Variants in PHF20 observed in about 807,000 individuals in gnomAD.
The protein encoded by PHF20 is glioma-expressed antigen 2.
In PHF20, 23 loss-of-function variants were observed where a neutral mutation model predicts 113.5. The ratio of observed to expected loss-of-function variants is 0.20; its 90% CI spans 0.15 to 0.29. PHF20 has a LOEUF of 0.29. Among genes scored for constraint, PHF20 ranks in the 10% least tolerant of loss-of-function variants. PHF20 has a pLI of 1.00. For missense variants in PHF20, 943 were observed against 1,219.6 expected (o/e 0.77, Z 3.38); for synonymous variants, 434 against 457.3 (o/e 0.95, Z 0.65).
chr20:35,825,728 A>G (rs2042248722), intron 2 of PHF20, among the ~76,000 whole-genome samples: 2 of 149,710 alleles, frequency 1.3e-5, no homozygotes, highest in Admixed American at 6.7e-5. Flanking sequence ...CATGAAATAC[A>G]CTACAGCCTT....
chr20:35,795,245 G>GT (rs527868388), intron 1 of PHF20, among the ~76,000 whole-genome samples: 26 of 148,748 alleles, frequency 1.7e-4, no homozygotes, highest in African/African-American at 3.9e-4. Flanking sequence ...GTACCTACTT[G>GT]TTTTTTTTTG....
chr20:35,787,883 T>G (rs1420228731), intron 1 of PHF20, among the ~76,000 whole-genome samples: 1 of 5,488 alleles, frequency 1.8e-4, no homozygotes, highest in Non-Finnish European at 7.2e-4. Context: ...GTTCAAGTGA[T>G]TCTCCTGCCT....
intron 3 of PHF20, 46 bp downstream of exon 3, chr20:35,842,790 T>C (rs1436643222): frequency 6.5e-6 from 10 of 1,536,790 alleles, no homozygotes; most frequent in South Asian, 3.5e-5. Context: ...AGGTCAGCCA[T>C]TGGGCTGTTT....
intron 1 of PHF20, among the ~76,000 whole-genome samples, chr20:35,792,195 C>A (rs775159340): frequency 6.6e-6 from 1 of 151,848 alleles, no homozygotes; most frequent in Non-Finnish European, 1.5e-5. Context: ...TTTCTTCACT[C>A]TTCTTTTTTT....
At chr20:35,903,021 CTT>C (rs370237613) in intron 10 of PHF20, among the ~76,000 whole-genome samples, 9 of 91,470 alleles carry the variant, frequency 9.8e-5, no homozygotes, top group Non-Finnish European at 1.4e-4. Flanking sequence ...TTTCTTTTTT[CTT>C]TTTTTTTTTT....
chr20:35,834,546 C>T (rs1168497756), intron 2 of PHF20, among the ~76,000 whole-genome samples: 3 of 152,060 alleles, frequency 2.0e-5, no homozygotes, highest in Non-Finnish European at 4.4e-5. Flanking sequence ...CCACTGCGCC[C>T]AGCCAGCTAT....
intron 10 of PHF20, among the ~76,000 whole-genome samples, chr20:35,911,346 G>C (rs1455970695): frequency 1.3e-5 from 2 of 152,116 alleles, no homozygotes; most frequent in Non-Finnish European, 2.9e-5. Context: ...CCGGCCTGCT[G>C]TTCCTACCTT....
intron 9 of PHF20, among the ~76,000 whole-genome samples, chr20:35,876,164 T>C (rs919855242): frequency 7.2e-5 from 11 of 151,880 alleles, no homozygotes; most frequent in African/African-American, 2.7e-4. Flanking sequence ...ATAGTAAGGG[T>C]GGAGGTCAAA....
intron 1 of PHF20, among the ~76,000 whole-genome samples, chr20:35,784,433 C>CTTTTTTTTTTTTTTTTTT (rs35002007): frequency 9.0e-6 from 1 of 110,508 alleles, no homozygotes; most frequent in Non-Finnish European, 1.7e-5. Flanking sequence ...ATCCCAAAGA[C>CTTTTTTTTTTTTTTTTTT]TTTTTTTTTT....
intron 2 of PHF20, among the ~76,000 whole-genome samples, chr20:35,802,938 G>GAAA (rs768194320): frequency 1.4e-5 from 1 of 69,166 alleles, no homozygotes; most frequent in Non-Finnish European, 2.9e-5. Context: ...GACTCGGTCT[G>GAAA]AAAAAAAAAA....
chr20:35,941,181 C>T (rs776009690), intron 17 of PHF20, 134 bp downstream of exon 17: 15 of 635,908 alleles, frequency 2.4e-5, no homozygotes, highest in Non-Finnish European at 3.8e-5. Context: ...CAGCCTCTCC[C>T]CACCTCCATT....
At chr20:35,943,609 C>CTTTATTTA (rs746118909) in intron 17 of PHF20, among the ~76,000 whole-genome samples, 2 of 148,814 alleles carry the variant, frequency 1.3e-5, no homozygotes, top group South Asian at 2.1e-4. Flanking sequence ...ATGAATAGTA[C>CTTTATTTA]TTTATTTATT....
intron 2 of PHF20, among the ~76,000 whole-genome samples, chr20:35,814,944 C>T (rs1461159670): frequency 5.3e-5 from 8 of 151,502 alleles, no homozygotes; most frequent in Non-Finnish European, 1.2e-4. Context: ...GCCTGTATTC[C>T]CAGCACTTTG....
chr20:35,909,163 G>C (rs951264773), intron 10 of PHF20, among the ~76,000 whole-genome samples: 1 of 152,042 alleles, frequency 6.6e-6, no homozygotes, highest in African/African-American at 2.4e-5. Context: ...CTGCAAAGAA[G>C]TTCTTTATCC....
intron 5 of PHF20, among the ~76,000 whole-genome samples, chr20:35,860,207 A>T (rs1217072888): frequency 1.3e-5 from 2 of 148,898 alleles, no homozygotes; most frequent in Non-Finnish European, 3.0e-5. Flanking sequence ...GTGGGCCACC[A>T]TGTCTGGCCT....
At chr20:35,864,383 C>CA (rs1461396996) in intron 6 of PHF20, among the ~76,000 whole-genome samples, 1 of 148,462 alleles carries the variant, frequency 6.7e-6, no homozygotes, top group Non-Finnish European at 1.5e-5. Context: ...CCAGCCTGGA[C>CA]AATGTAGTGA....
rs1331960913 is a variant in PHF20, at chr20:35,788,323, C to G, written c.-32-13168C>G. On this transcript the variant is annotated intron_variant, in intron 1 of 17. Coordinates refer to ENST00000374012, the MANE Select transcript of PHF20 (RefSeq NM_016436.5). ...ATGTTAGCCAGGATGGTCTCGATCTCCTAACCTCGTGATCCACCCTCCTCG... is the reference window on the plus strand; with the variant it reads ...ATGTTAGCCAGGATGGTCTCGATCTGCTAACCTCGTGATCCACCCTCCTCG... 3.3e-5 allele frequency among the ~76,000 whole-genome samples: 5 copies of G among 149,940 alleles called. No individual in the cohort carries two copies. The Admixed American group carries it at 3.3e-4, about 10-fold the overall frequency.
chr20:35,852,949 G>T (rs558680035), intron 4 of PHF20, among the ~76,000 whole-genome samples: 1 of 149,384 alleles, frequency 6.7e-6, no homozygotes, highest in East Asian at 2.0e-4. Context: ...CAGTCCAGGC[G>T]TGGTGGCTGA....
In PHF20 at chr20:35,938,928, C is replaced by T. The variant is rs1370307018; in HGVS notation, c.2532C>T (p.Pro844=). 6.8e-6 allele frequency: 11 copies of T among 1,614,230 alleles called. No individual in the cohort carries two copies. The highest frequency in any genetic ancestry group is 7.6e-6 in the Non-Finnish European group (9 of 1,180,044). Residue 844 remains proline, a synonymous_variant, in exon 16 of 18, where the codon CCC becomes CCT. Transcript: ENST00000374012. ...CCAGTGAGCATTGCTACCAGAAGCC[C>T]CGCGCCTATTACCCTGCCGTGGAGC... ...YITSEHCYQK[P]RAYYPAVEQK...
Sources: gnomAD v4.1 joint callset for allele counts (sites outside exome capture counted in the v4.1 genomes callset) on GRCh38, gnomAD v4.1.1 for gene constraint, MANE v1.5 for transcripts, NCBI Gene and HGNC (gene_info 2026-07-23, HGNC 2026-07-21) for gene names.